TSPAN14: variants seen among roughly 807,000 people sequenced by gnomAD.
TSPAN14 encodes tetraspanin-14.
Under a neutral mutation model 36.6 loss-of-function variants are expected in TSPAN14, and 16 were observed. The ratio of observed to expected loss-of-function variants is 0.44; its 90% CI spans 0.30 to 0.66. The LOEUF is 0.66. Ranked by LOEUF, TSPAN14 falls within the 30% of genes least tolerant of loss-of-function variation. The probability of loss-of-function intolerance (pLI) is 0.12; values close to 1 mark genes in which losing one functional copy is unlikely to be tolerated. For synonymous variants in TSPAN14, 139 were observed against 143.8 expected (o/e 0.97, Z 0.24); for missense variants, 231 against 355.1 (o/e 0.65, Z 2.81).
At chr10:80,494,493 A>G (rs1848087172) in intron 2 of TSPAN14, among the ~76,000 whole-genome samples, 1 of 152,240 alleles carries the variant, frequency 6.6e-6, no homozygotes, top group African/African-American at 2.4e-5. Context: ...CAAGGTGGAA[A>G]GATCAACTCT....
Position 80,507,295 on chromosome 10 carries a change from T to TGG in TSPAN14, c.201_202dup (p.Val68GlyfsTer5). ...ATCGACCCTGTGGTGCTGGTCCTGA[T>TGG]GGTGGGCGTGGTGATGTTCACCCTG... On this transcript the variant is annotated frameshift_variant, in exon 4 of 9. Transcript: ENST00000429989. LOFTEE classifies it high-confidence loss of function. 1 of 1,614,188 alleles carries TGG rather than the reference T, an allele frequency of 6.2e-7. No homozygotes were observed. The highest frequency in any genetic ancestry group is 8.5e-7 in the Non-Finnish European group (1 of 1,180,022).
intron 4 of TSPAN14, among the ~76,000 whole-genome samples, chr10:80,508,656 T>C (rs1840444139): frequency 1.3e-5 from 2 of 152,158 alleles, no homozygotes; most frequent in Non-Finnish European, 2.9e-5. Context: ...TCATATACTT[T>C]CATGCAGAGT....
intron 2 of TSPAN14, among the ~76,000 whole-genome samples, chr10:80,497,926 C>A (rs1482802816): frequency 6.6e-6 from 1 of 152,212 alleles, no homozygotes; most frequent in African/African-American, 2.4e-5. Flanking sequence ...CTATGTGACC[C>A]CATGCAAGGC....
rs375891675 is a variant in TSPAN14, at chr10:80,510,822, C to T, written c.451-1322C>T. On this transcript the variant is annotated intron_variant, in intron 5 of 8. Coordinates refer to ENST00000429989, the Ensembl canonical transcript of TSPAN14. ...CCGGGAGGCGGAACTGGCAGTGAGC[C>T]GAGATCACGCCACTGCAGTCCAGCC... Among the ~76,000 whole-genome samples, 6 of 152,074 alleles carry T rather than the reference C, an allele frequency of 3.9e-5. No individual in the cohort carries two copies. In the South Asian group the frequency reaches 8.3e-4, roughly 21 times the overall value.
At chr10:80,490,356 A>G (rs1014887520) in intron 2 of TSPAN14, among the ~76,000 whole-genome samples, 2 of 152,162 alleles carry the variant, frequency 1.3e-5, no homozygotes, top group African/African-American at 4.8e-5. Context: ...GGGTGTGTTG[A>G]CTGAGAAGAG....
intron 1 of TSPAN14, chr10:80,463,060 C>T (rs937137535): frequency 6.6e-6 from 1 of 152,242 alleles, no homozygotes; most frequent in African/African-American, 2.4e-5. Flanking sequence ...TCTGTTCTTG[C>T]TCTTCTTAGG....
intron 7 of TSPAN14, among the ~76,000 whole-genome samples, 175 bp downstream of exon 7, chr10:80,514,238 G>A (rs1840812346): frequency 2.0e-5 from 3 of 152,194 alleles, no homozygotes; most frequent in African/African-American, 4.8e-5. Context: ...TCCTGAGCTG[G>A]CGGCAGGACT....
chr10:80,493,953 T>G (rs1040673898), intron 2 of TSPAN14, among the ~76,000 whole-genome samples: 2 of 152,230 alleles, frequency 1.3e-5, no homozygotes, highest in Non-Finnish European at 2.9e-5. Flanking sequence ...TCCGATAATG[T>G]CTGCAACTCC....
exon 9 of TSPAN14, chr10:80,521,084 C>T (rs931580685): frequency 2.9e-5 from 9 of 307,054 alleles, no homozygotes; most frequent in Non-Finnish European, 5.1e-5. Context: ...CTTCCTGGAA[C>T]GTGGAATTTC....
At chr10:80,516,081 C>T (rs1840922630) in intron 7 of TSPAN14, 123 bp from the exon 8 acceptor site, 1 of 1,478,122 alleles carries the variant, frequency 6.8e-7, no homozygotes, top group African/African-American at 1.4e-5. Flanking sequence ...GTCCTCCTTG[C>T]CTGCCTCCTG....
In TSPAN14 at chr10:80,481,575, G is replaced by A. The variant is rs183117672; in HGVS notation, c.-17-7642G>A. 4.6e-5 allele frequency among the ~76,000 whole-genome samples: 7 copies of A among 152,304 alleles called. No individual in the cohort carries two copies. The East Asian group carries it at 1.4e-3, about 29-fold the overall frequency. On this transcript the variant is annotated intron_variant, in intron 1 of 8. Transcript: ENST00000429989. ...AAAGGACAAGCATGAGGGGTGGCTT[G>A]CAGGGAGAGGGATTTATGGGGAGTA...
At chr10:80,516,303 A>G (rs1343984385) in exon 8 of TSPAN14, 3 of 1,614,148 alleles carry the variant, frequency 1.9e-6, no homozygotes, top group East Asian at 2.2e-5. Context: ...TGGCGTCTTC[A>G]TCGCCATCTC....
intron 8 of TSPAN14, 141 bp downstream of exon 8, chr10:80,516,464 C>T: frequency 7.9e-7 from 1 of 1,262,950 alleles, no homozygotes; most frequent in Non-Finnish European, 1.1e-6. Context: ...ACTGGATGTC[C>T]AAGGCTGAGA....
chr10:80,486,343 C>T (rs76961940), intron 1 of TSPAN14, among the ~76,000 whole-genome samples: 1,561 of 152,302 alleles, frequency 0.01, 21 homozygotes, highest in African/African-American at 0.036. Context: ...TGCAGGAGAC[C>T]AGGGACCGTC....
At chr10:80,473,701 T>C (rs10607396) in intron 1 of TSPAN14, among the ~76,000 whole-genome samples, 3 of 142,652 alleles carry the variant, frequency 2.1e-5, no homozygotes, top group African/African-American at 7.8e-5. Context: ...TTTTTTTTTT[T>C]AAATTAAAGT....
intron 1 of TSPAN14, among the ~76,000 whole-genome samples, chr10:80,487,150 T>C (rs1847652041): frequency 2.0e-5 from 3 of 152,188 alleles, no homozygotes; most frequent in Admixed American, 2.0e-4. Context: ...TAGCTACCGT[T>C]AGGTTAGTTG....
At chr10:80,478,820 G>A (rs1331654431) in intron 1 of TSPAN14, among the ~76,000 whole-genome samples, 7 of 152,274 alleles carry the variant, frequency 4.6e-5, no homozygotes, top group African/African-American at 7.2e-5. Flanking sequence ...CCAGGAGGTC[G>A]AGACCAGCCT....
At chr10:80,486,123 G>A (rs983902149) in intron 1 of TSPAN14, among the ~76,000 whole-genome samples, 1 of 152,214 alleles carries the variant, frequency 6.6e-6, no homozygotes, top group Non-Finnish European at 1.5e-5. Flanking sequence ...AGTCTCTGAC[G>A]GGTGTAGGTG....
intron 1 of TSPAN14, among the ~76,000 whole-genome samples, chr10:80,475,578 C>G (rs900093633): frequency 2.0e-5 from 3 of 152,000 alleles, no homozygotes; most frequent in African/African-American, 7.2e-5. Flanking sequence ...TTTTTCTGCC[C>G]CCTTTCCCCA....
Sources: gnomAD v4.1 joint callset for allele counts (sites outside exome capture counted in the v4.1 genomes callset) on GRCh38, gnomAD v4.1.1 for gene constraint, MANE v1.5 for transcripts, NCBI Gene and HGNC (gene_info 2026-07-23, HGNC 2026-07-21) for gene names.